The following ENOX1 variants were observed in gnomAD, a reference collection of about 807,000 sequenced individuals.
ENOX1 encodes the protein candidate growth-related and time keeping constitutive hydroquinone (NADH) oxidase.
ENOX1 carries 42 observed loss-of-function variants against 82.5 expected under a neutral mutation model. The ratio of observed to expected loss-of-function variants is 0.51; its 90% confidence interval spans 0.40 to 0.66. The LOEUF (loss-of-function observed/expected upper bound fraction) is 0.66, where lower values mean the gene tolerates loss of function less well. ENOX1 is among the 30% of genes least tolerant of loss of function. The pLI, the probability that ENOX1 is intolerant of heterozygous loss-of-function variation, is 0.00. For missense variants in ENOX1, 608 were observed against 811.6 expected (o/e 0.75, Z 3.05); for synonymous variants, 271 against 282.2 (o/e 0.96, Z 0.40).
intron 12 of ENOX1, among the ~76,000 whole-genome samples, chr13:43,285,569 GC>G (rs1352829774): frequency 4.0e-5 from 6 of 151,190 alleles, no homozygotes; most frequent in Non-Finnish European, 7.4e-5. Context: ...GATTTTTTTT[GC>G]CGAGGCAGGC....
rs149893856 is a variant in ENOX1 at position 43,608,958 on chromosome 13, A to G, written c.-219+58521T>C. Among the ~76,000 whole-genome samples the G allele has an allele frequency of 5.2e-4, 79 of 152,082 alleles. No individual in the cohort carries two copies. The East Asian group carries it at 0.013, about 26-fold the overall frequency. ...TTTCATCACTTGAATTTCTAAACCAACTGGCATCACCCCTTCTAAGCTCTG... is the reference window on the plus strand; with the variant it reads ...TTTCATCACTTGAATTTCTAAACCAGCTGGCATCACCCCTTCTAAGCTCTG... On this transcript the variant is annotated intron_variant, in intron 2 of 16. Coordinates refer to ENST00000690772, the MANE Select transcript of ENOX1 (RefSeq NM_001347969.2).
intron 2 of ENOX1, among the ~76,000 whole-genome samples, chr13:43,618,787 T>G (rs2082594585): frequency 6.6e-6 from 1 of 152,114 alleles, no homozygotes; most frequent in South Asian, 2.1e-4. Flanking sequence ...ATGGTGGTAT[T>G]TTGATGGGAA....
chr13:43,321,314 G>T (rs1186298363), intron 11 of ENOX1, among the ~76,000 whole-genome samples: 1 of 152,190 alleles, frequency 6.6e-6, no homozygotes, highest in Non-Finnish European at 1.5e-5. Context: ...CCTAGATGAT[G>T]CTGGTGCTAC....
chr13:43,777,394 C>T (rs535329116), intron 1 of ENOX1, among the ~76,000 whole-genome samples: 1 of 152,276 alleles, frequency 6.6e-6, no homozygotes, highest in South Asian at 2.1e-4. Context: ...CACACGTACA[C>T]ACACATAGTT....
chr13:43,438,220 T>C (rs2056149463), intron 3 of ENOX1, among the ~76,000 whole-genome samples: 1 of 152,178 alleles, frequency 6.6e-6, no homozygotes, highest in South Asian at 2.1e-4. Flanking sequence ...GTCAAATTTG[T>C]AATTTAGAGC....
chr13:43,459,930 G>T (rs999500641), intron 3 of ENOX1, among the ~76,000 whole-genome samples: 1 of 152,152 alleles, frequency 6.6e-6, no homozygotes, highest in African/African-American at 2.4e-5. Flanking sequence ...GGAGGCAGAG[G>T]TTGCAGTGAG....
At chr13:43,655,246 C>T (rs1399241438) in intron 2 of ENOX1, among the ~76,000 whole-genome samples, 5 of 152,234 alleles carry the variant, frequency 3.3e-5, no homozygotes, top group Admixed American at 3.3e-4. Flanking sequence ...CTATGTTTCG[C>T]AAACTGTTCC....
intron 2 of ENOX1, among the ~76,000 whole-genome samples, chr13:43,662,969 CA>C (rs1413867366): frequency 9.2e-5 from 14 of 152,266 alleles, no homozygotes; most frequent in African/African-American, 3.4e-4. Context: ...ATATGAATTT[CA>C]GTGAGGTCTT....
chr13:43,371,831 G>T (rs2051263957), intron 5 of ENOX1, among the ~76,000 whole-genome samples: 1 of 152,126 alleles, frequency 6.6e-6, no homozygotes, highest in Non-Finnish European at 1.5e-5. Flanking sequence ...GACAAAAATA[G>T]AGCCTGTTTT....
chr13:43,571,136 T>C (rs1009785593), intron 2 of ENOX1, among the ~76,000 whole-genome samples: 3 of 152,206 alleles, frequency 2.0e-5, no homozygotes, highest in Non-Finnish European at 2.9e-5. Context: ...TCTGTTATGC[T>C]TTAAGCAGCC....
intron 3 of ENOX1, among the ~76,000 whole-genome samples, chr13:43,428,780 T>C (rs2153612317): frequency 6.6e-6 from 1 of 152,268 alleles, no homozygotes; most frequent in Middle Eastern, 3.4e-3. Flanking sequence ...CTACAGAAAC[T>C]AGGGTTGGTG....
chr13:43,331,702 G>A (rs1203146316), intron 9 of ENOX1, among the ~76,000 whole-genome samples: 1 of 152,198 alleles, frequency 6.6e-6, no homozygotes, highest in African/African-American at 2.4e-5. Context: ...GTGAGCCTTG[G>A]CTTTAGACTG....
chr13:43,781,725 G>C (rs1952276669), intron 1 of ENOX1, among the ~76,000 whole-genome samples: 1 of 152,112 alleles, frequency 6.6e-6, no homozygotes, highest in African/African-American at 2.4e-5. Context: ...TGGTCAGGCT[G>C]GTCTTGAACT....
chr13:43,746,083 A>G (rs1258943979), intron 1 of ENOX1, among the ~76,000 whole-genome samples: 1 of 152,170 alleles, frequency 6.6e-6, no homozygotes, highest in East Asian at 1.9e-4. Flanking sequence ...TCTATGATAC[A>G]TGGCTAAGCA....
At chr13:43,303,399 A>G (rs7338600) in intron 11 of ENOX1, among the ~76,000 whole-genome samples, 145,145 of 152,312 alleles carry the variant, frequency 0.95, 69,583 homozygotes, top group East Asian at 1. Flanking sequence ...GGCCTTTAGA[A>G]GCTATTCTGT....
At chr13:43,232,501 C>T (rs1009829972) in intron 15 of ENOX1, among the ~76,000 whole-genome samples, 1 of 152,150 alleles carries the variant, frequency 6.6e-6, no homozygotes, top group Non-Finnish European at 1.5e-5. Context: ...AAAATTATTG[C>T]TTAACCTTCT....
chr13:43,538,264 G>A lies in ENOX1; in HGVS notation c.-218-54112C>T, dbSNP rs940267471. Among the ~76,000 whole-genome samples, 11 of 152,250 alleles carry A rather than the reference G, an allele frequency of 7.2e-5. No homozygotes were observed. The East Asian group carries it at 1.9e-3, about 27-fold the overall frequency. On this transcript the variant is annotated intron_variant, in intron 2 of 16. Coordinates refer to ENST00000690772, the MANE Select transcript of ENOX1 (RefSeq NM_001347969.2). Reference sequence around the variant, plus strand: ...TTTCATCATTTTTTAAAAAACCATAGAGAAGATGAGAAACTAAATGTGGAA... The same window carrying A: ...TTTCATCATTTTTTAAAAAACCATAAAGAAGATGAGAAACTAAATGTGGAA...
intron 2 of ENOX1, among the ~76,000 whole-genome samples, chr13:43,623,476 C>T (rs1432932538): frequency 6.6e-6 from 1 of 152,184 alleles, no homozygotes; most frequent in Non-Finnish European, 1.5e-5. Context: ...ACTGACTCAG[C>T]TCCAGGTAAA....
At chr13:43,471,705 G>A (rs2058074108) in intron 3 of ENOX1, among the ~76,000 whole-genome samples, 1 of 151,598 alleles carries the variant, frequency 6.6e-6, no homozygotes, top group Admixed American at 6.6e-5. Context: ...AGCTACTCAG[G>A]AAGCTGAGGC....
Sources: allele counts gnomAD v4.1 joint callset (sites outside exome capture counted in the v4.1 genomes callset), GRCh38; gene constraint gnomAD v4.1.1; transcripts MANE v1.5; gene names NCBI Gene and HGNC (gene_info 2026-07-23, HGNC 2026-07-21).